CFAP70: variants seen among roughly 807,000 people sequenced by gnomAD.
CFAP70 encodes cilia and flagella associated protein 70, also known as cilia- and flagella-associated protein 70.
A neutral mutation model predicts 137.6 loss-of-function variants in CFAP70; 81 were observed. The ratio of observed to expected loss-of-function variants is 0.59; its 90% CI spans 0.49 to 0.71. The LOEUF is 0.71. Ranked by LOEUF, CFAP70 falls within the 30% of genes least tolerant of loss-of-function variation. The pLI is 0.00. For synonymous variants in CFAP70, 382 were observed against 423.6 expected (o/e 0.90, Z 1.20); for missense variants, 976 against 1,226.7 (o/e 0.80, Z 3.05).
chr10:73,308,304 G>A (rs894823056), intron 12 of CFAP70, among the ~76,000 whole-genome samples: 1 of 151,980 alleles, frequency 6.6e-6, no homozygotes, highest in Non-Finnish European at 1.5e-5. Context: ...CGTATGTCAG[G>A]CCACAAAACA....
chr10:73,354,858 T>C, intron 1 of CFAP70, 23 bp from the exon 2 acceptor site: 1 of 1,383,872 alleles, frequency 7.2e-7, no homozygotes, highest in Non-Finnish European at 1.0e-6. Flanking sequence ...TGAATCAACC[T>C]GTCCCCTCAT....
At chr10:73,323,761 G>A (rs2132223811) in intron 8 of CFAP70, among the ~76,000 whole-genome samples, 1 of 152,384 alleles carries the variant, frequency 6.6e-6, no homozygotes, top group South Asian at 2.1e-4. Flanking sequence ...CAAGGCAGCA[G>A]CAAGGCTGGG....
chr10:73,308,628 CAA>C (rs201416589), intron 12 of CFAP70, among the ~76,000 whole-genome samples: 3 of 64,166 alleles, frequency 4.7e-5, no homozygotes, highest in Admixed American at 3.6e-4. Flanking sequence ...AACTCCGTCT[CAA>C]AAAAAAAAAA....
upstream of CFAP70, among the ~76,000 whole-genome samples, chr10:73,361,280 C>G (rs1304225107): frequency 6.6e-6 from 1 of 151,148 alleles, no homozygotes; most frequent in Non-Finnish European, 1.5e-5. Flanking sequence ...AGGCATGAAC[C>G]ACCATGCCCG....
intron 5 of CFAP70, among the ~76,000 whole-genome samples, chr10:73,344,803 C>A (rs923225690): frequency 6.6e-6 from 1 of 151,904 alleles, no homozygotes; most frequent in Non-Finnish European, 1.5e-5. Context: ...TAGAAATACA[C>A]CAAAATTGGC....
At chr10:73,316,473 TATATATAGATATAG>T (rs1246889556) in intron 9 of CFAP70, among the ~76,000 whole-genome samples, 260 of 114,728 alleles carry the variant, frequency 2.3e-3, no homozygotes, top group African/African-American at 8.7e-3. Flanking sequence ...GATATATATA[TATATATAGATATAG>T]ATATATATAT....
chr10:73,323,145 A>G, intron 8 of CFAP70, 48 bp from the exon 10 acceptor site: 1 of 1,538,490 alleles, frequency 6.5e-7, no homozygotes, highest in Non-Finnish European at 8.8e-7. Flanking sequence ...GCAATGTAAT[A>G]TAAGGTATGG....
At chr10:73,351,282 C>A (rs2054248220) in intron 3 of CFAP70, among the ~76,000 whole-genome samples, 1 of 150,944 alleles carries the variant, frequency 6.6e-6, no homozygotes, top group South Asian at 2.1e-4. Flanking sequence ...CCACACCCAG[C>A]TAATTTTTTG....
At chr10:73,355,957 T>C (rs2054644454) in intron 1 of CFAP70, among the ~76,000 whole-genome samples, 1 of 152,196 alleles carries the variant, frequency 6.6e-6, no homozygotes, top group Non-Finnish European at 1.5e-5. Flanking sequence ...CACAGTGTTC[T>C]CTGGTAACCG....
At chr10:73,280,365 A>G (rs979844468) in intron 19 of CFAP70, among the ~76,000 whole-genome samples, 2 of 152,108 alleles carry the variant, frequency 1.3e-5, no homozygotes, top group African/African-American at 2.4e-5. Flanking sequence ...AGGCTTATGA[A>G]AGTTATTTGT....
chr10:73,278,113 G>T (rs191037424), intron 20 of CFAP70, 66 bp downstream of exon 21: 4 of 1,514,318 alleles, frequency 2.6e-6, no homozygotes, highest in East Asian at 4.5e-5. Context: ...TTTCATCATC[G>T]TAAGAGTCTT....
intron 25 of CFAP70, among the ~76,000 whole-genome samples, chr10:73,265,954 A>C (rs1454379219): frequency 6.6e-6 from 1 of 150,432 alleles, no homozygotes; most frequent in African/African-American, 2.5e-5. Flanking sequence ...TTATGTTATT[A>C]TTTTTATTGG....
At chr10:73,291,807 T>C (rs1158933907) in intron 17 of CFAP70, 52 bp from the exon 19 acceptor site, 1 of 1,613,800 alleles carries the variant, frequency 6.2e-7, no homozygotes, top group African/African-American at 1.3e-5. Context: ...GTCACATTTA[T>C]GGAACCAAGA....
upstream of CFAP70, among the ~76,000 whole-genome samples, chr10:73,362,459 A>G (rs1159541928): frequency 6.6e-6 from 1 of 152,046 alleles, no homozygotes; most frequent in East Asian, 1.9e-4. Context: ...TTCTTTCATC[A>G]ATGTTTTGTA....
At chr10:73,319,461 GC>G (rs2050674505) in intron 9 of CFAP70, among the ~76,000 whole-genome samples, 1 of 152,054 alleles carries the variant, frequency 6.6e-6, no homozygotes, top group Non-Finnish European at 1.5e-5. Context: ...CCACTTGCAA[GC>G]CCCCCTACCC....
intron 12 of CFAP70, among the ~76,000 whole-genome samples, chr10:73,306,752 A>G (rs1011070633): frequency 1.3e-5 from 2 of 152,180 alleles, no homozygotes; most frequent in Admixed American, 6.5e-5. Flanking sequence ...CTAGTAAATT[A>G]TCCTTCAAAA....
chr10:73,328,111 A>C (rs1415563925), intron 8 of CFAP70, among the ~76,000 whole-genome samples: 1 of 152,206 alleles, frequency 6.6e-6, no homozygotes, highest in African/African-American at 2.4e-5. Flanking sequence ...ACGGTAACCA[A>C]AACAGCATGG....
upstream of CFAP70, among the ~76,000 whole-genome samples, chr10:73,362,038 T>C (rs556190628): frequency 3.3e-5 from 5 of 152,266 alleles, no homozygotes; most frequent in African/African-American, 9.6e-5. Context: ...GACATAAAGA[T>C]AGCCATATAG....
At chr10:73,315,130 T>A (rs377023855) in intron 9 of CFAP70, among the ~76,000 whole-genome samples, 1 of 148,976 alleles carries the variant, frequency 6.7e-6, no homozygotes, top group Non-Finnish European at 1.5e-5. Context: ...AGGCAAAGGA[T>A]CACTTGAGCC....
Sources: allele counts gnomAD v4.1 joint callset (sites outside exome capture counted in the v4.1 genomes callset), GRCh38; gene constraint gnomAD v4.1.1; transcripts MANE v1.5; gene names NCBI Gene and HGNC (gene_info 2026-07-23, HGNC 2026-07-21).